The following MGRN1 variants were observed in gnomAD, a reference collection of about 807,000 sequenced individuals.
The protein encoded by MGRN1 is mahogunin ring finger 1.
In MGRN1, 29 loss-of-function variants were observed where a neutral mutation model predicts 69.2. The ratio of observed to expected loss-of-function variants is 0.42; its 90% confidence interval spans 0.31 to 0.57. The LOEUF (loss-of-function observed/expected upper bound fraction) is 0.57. Among genes scored for constraint, MGRN1 ranks in the 20% least tolerant of loss-of-function variants. MGRN1 has a pLI of 0.15. For synonymous variants in MGRN1, 470 were observed against 344.2 expected (o/e 1.37, Z -4.04); for missense variants, 998 against 796.2 (o/e 1.25, Z -3.05).
At chr16:4,625,715 G>C (rs1372154779) in intron 1 of MGRN1, among the ~76,000 whole-genome samples, 2 of 152,226 alleles carry the variant, frequency 1.3e-5, no homozygotes, top group Non-Finnish European at 2.9e-5. Context: ...TTGGGACCGG[G>C]ACCAGCTGTG....
chr16:4,653,687 G>C (rs970995986), intron 4 of MGRN1, among the ~76,000 whole-genome samples: 1 of 151,372 alleles, frequency 6.6e-6, no homozygotes. Context: ...TGGGGGTTTC[G>C]CCATGTTGGC....
intron 1 of MGRN1, among the ~76,000 whole-genome samples, chr16:4,641,175 T>G (rs2078148076): frequency 6.6e-6 from 1 of 152,136 alleles, no homozygotes; most frequent in African/African-American, 2.4e-5. Context: ...ACACAGCTCA[T>G]GCACGCACAC....
intron 5 of MGRN1, among the ~76,000 whole-genome samples, chr16:4,663,540 C>T (rs1038268827): frequency 1.3e-5 from 2 of 152,006 alleles, no homozygotes; most frequent in African/African-American, 4.8e-5. Flanking sequence ...CTTTTTCTTC[C>T]CAGAATAAAC....
rs143119735 is a variant in MGRN1 at position 4,642,466 on chromosome 16, T to TTGTGTGTGTGTGTGTGTG, written c.89-7881_89-7864dup. On this transcript the variant is annotated intron_variant, in intron 1 of 16. Transcript: ENST00000262370. ...GCATGCACCACCACGGCCAGCTAAT[T>TTGTGTGTGTGTGTGTGTG]TGTGTGTGTGTGTGTGTGTGTGTGT... 1.4e-3 allele frequency among the ~76,000 whole-genome samples: 199 copies of TTGTGTGTGTGTGTGTGTG among 141,808 alleles called. 1 individual carries two copies. Among genetic ancestry groups the TTGTGTGTGTGTGTGTGTG allele is most frequent in the African/African-American group, 5.1e-3 (190 of 37,488 alleles). The allele number at this position is 141,808 out of a possible 152,430, so 93.0% of individuals were successfully genotyped here. A position where few individuals can be genotyped will look rare whatever the true frequency, so the allele number is the denominator to read the frequency against.
intron 5 of MGRN1, among the ~76,000 whole-genome samples, chr16:4,663,138 A>ACTGCAATCTCCGCCTCC (rs1333738663): frequency 4.0e-5 from 6 of 151,416 alleles, no homozygotes; most frequent in Non-Finnish European, 7.4e-5. Flanking sequence ...ATCTCGGCTC[A>ACTGCAATCTCCGCCTCC]CTGCAATCTC....
chr16:4,629,904 G>T (rs1897908907), intron 1 of MGRN1, among the ~76,000 whole-genome samples: 2 of 151,658 alleles, frequency 1.3e-5, no homozygotes. Flanking sequence ...AAATGAGCTG[G>T]ACGCAATGGC....
chr16:4,688,045 G>T (rs1170016587), intron 16 of MGRN1: 3 of 985,538 alleles, frequency 3.0e-6, no homozygotes, highest in Non-Finnish European at 3.6e-6. Flanking sequence ...CTAGAACAGG[G>T]CTCACAGCCT....
At chr16:4,671,847 C>G (rs1034226042) in intron 9 of MGRN1, among the ~76,000 whole-genome samples, 1 of 152,144 alleles carries the variant, frequency 6.6e-6, no homozygotes, top group Non-Finnish European at 1.5e-5. Context: ...AGTCCTGGTG[C>G]CTGACAAATA....
chr16:4,652,693 C>T lies in MGRN1; in HGVS notation c.312C>T (p.Ala104=), dbSNP rs368629075. ...CCTGGGGTAGGTACAAAGACGATGC[C>T]GACAGCCCCACCGAGGACGGCGACA... ...SLRLVRYKDD[A]DSPTEDGDKP... Residue 104 remains alanine, a synonymous_variant, in exon 4 of 17, where the codon GCC becomes GCT. Coordinates refer to ENST00000262370, the MANE Select transcript of MGRN1 (RefSeq NM_015246.4). 136 of 1,612,632 alleles carry T rather than the reference C, an allele frequency of 8.4e-5. No individual in the cohort carries two copies. In the African/African-American group the frequency reaches 1.2e-3, roughly 14 times the overall value.
chr16:4,662,785 G>A (rs1396767120), intron 5 of MGRN1, among the ~76,000 whole-genome samples: 1 of 152,250 alleles, frequency 6.6e-6, no homozygotes, highest in Admixed American at 6.5e-5. Context: ...GACAGCAGGG[G>A]AGAGGAGACA....
rs762512282 is a variant in MGRN1 at position 4,682,900 on chromosome 16, C to T, written c.1436C>T (p.Pro479Leu). Residue 479 changes from proline (P) to leucine (L), a missense_variant, in exon 14 of 17, where the codon CCA becomes CTA. Transcript: ENST00000262370. ...TCCGAGGACGTGGACGCCCCTCCCC[C>T]ACTGGGTGGCGCAGAGCTGGCCCTG... is the stretch of plus-strand genomic sequence containing the variant. Reference protein sequence around the residue: ...KLSEDVDAPPPLGGAELALRE... With the variant: ...KLSEDVDAPPLLGGAELALRE... 2 of 1,609,034 alleles carry T rather than the reference C, an allele frequency of 1.2e-6. No homozygotes were observed. The highest frequency in any genetic ancestry group is 1.7e-6 in the Non-Finnish European group (2 of 1,176,862).
chr16:4,687,357 T>G, intron 16 of MGRN1: 1 of 940,628 alleles, frequency 1.1e-6, no homozygotes, highest in East Asian at 1.2e-4. Flanking sequence ...AAGATCAGTG[T>G]AGAAAACATA....
chr16:4,665,093 C>A lies in MGRN1; in HGVS notation c.629-9C>A. On this transcript the variant is annotated splice_polypyrimidine_tract_variant and intron_variant, in intron 6 of 16. Coordinates refer to ENST00000262370, the MANE Select transcript of MGRN1 (RefSeq NM_015246.4). Reference sequence around the variant, plus strand: ...GACTCTGACTACTCTGCCCCTCTCTCCCCAGCAGTGGTGGAAGTGACTGGC... The same window carrying A: ...GACTCTGACTACTCTGCCCCTCTCTACCCAGCAGTGGTGGAAGTGACTGGC... 1.2e-6 allele frequency: 2 copies of A among 1,614,172 alleles called. No individual in the cohort carries two copies. The highest frequency in any genetic ancestry group is 1.7e-6 in the Non-Finnish European group (2 of 1,180,022).
chr16:4,633,138 A>G (rs1289228985), intron 1 of MGRN1, among the ~76,000 whole-genome samples: 4 of 152,016 alleles, frequency 2.6e-5, no homozygotes, highest in Non-Finnish European at 5.9e-5. Flanking sequence ...CTGTAATCCT[A>G]GTACTTTGGG....
chr16:4,681,528 C>T (rs566102794), intron 12 of MGRN1, 22 bp from the exon 13 acceptor site: 1 of 1,599,438 alleles, frequency 6.3e-7, no homozygotes, highest in Non-Finnish European at 8.5e-7. Context: ...CATGAGCCCC[C>T]TCACGCACCC....
chr16:4,671,598 AT>A, intron 9 of MGRN1, 139 bp downstream of exon 9: 15 of 730,022 alleles, frequency 2.1e-5, no homozygotes, highest in South Asian at 5.2e-5. Context: ...TTTTTCCTTA[AT>A]TTTTTTTAAA....
chr16:4,651,260 C>T lies in MGRN1; in HGVS notation c.208-703C>T, dbSNP rs1389168615. Reference sequence around the variant, plus strand: ...TGTCATAGTACTCGAGTACTGTGAGCTGTCTGTTCAGCACACATGTGGCAC... The same window carrying T: ...TGTCATAGTACTCGAGTACTGTGAGTTGTCTGTTCAGCACACATGTGGCAC... On this transcript the variant is annotated intron_variant, in intron 2 of 16. Transcript: ENST00000262370. Among the ~76,000 whole-genome samples the T allele has an allele frequency of 2.6e-5, 4 of 151,092 alleles. No homozygotes were observed. The East Asian group carries it at 7.7e-4, about 29-fold the overall frequency.
chr16:4,689,027 C>T lies in MGRN1; in HGVS notation c.*119C>T, dbSNP rs969830000. 1.9e-5 allele frequency: 25 copies of T among 1,351,224 alleles called. No homozygotes were observed. Among genetic ancestry groups the T allele is most frequent in the Middle Eastern group, 2.6e-4 (1 of 3,778 alleles). The allele number at this position is 1,351,224 out of a possible 1,614,324, so 83.7% of individuals were successfully genotyped here. A position where few individuals can be genotyped will look rare whatever the true frequency, so the allele number is the denominator to read the frequency against. On this transcript the variant is annotated 3_prime_UTR_variant, in exon 17 of 17. Transcript: ENST00000262370. ...CATGCCCCCTGTGGCCACCAGGCTC[C>T]GAGGGGCCGTGGTGACTCTTGATCA...
chr16:4,680,333 C>G, intron 12 of MGRN1: 1 of 517,484 alleles, frequency 1.9e-6, no homozygotes, highest in South Asian at 2.4e-5. Flanking sequence ...AGCTTTGCCT[C>G]CGCCCCGCGT....
Sources: gnomAD v4.1 joint callset for allele counts (sites outside exome capture counted in the v4.1 genomes callset) on GRCh38, gnomAD v4.1.1 for gene constraint, MANE v1.5 for transcripts, NCBI Gene and HGNC (gene_info 2026-07-23, HGNC 2026-07-21) for gene names.